The following FKBP14 variants were observed in gnomAD, a reference collection of about 807,000 sequenced individuals.
FKBP14 encodes the protein peptidyl-prolyl cis-trans isomerase FKBP14.
Under a neutral mutation model 21.6 loss-of-function variants are expected in FKBP14, and 20 were observed. That is an observed-to-expected ratio of 0.92 (90% CI 0.65 to 1.34). The LOEUF (loss-of-function observed/expected upper bound fraction) is 1.34. Among genes scored for constraint, FKBP14 ranks in the 40% most tolerant of loss-of-function variants. The pLI is 0.00. For synonymous variants in FKBP14, 79 were observed against 86.7 expected, an observed-to-expected ratio of 0.91 and a Z score of 0.49; for missense variants, 253 against 249.0, an observed-to-expected ratio of 1.02 and a Z score of -0.11.
chr7:30,006,604 T>C (rs552500988), downstream of FKBP14, among the ~76,000 whole-genome samples: 2 of 152,294 alleles, frequency 1.3e-5, 1 homozygote, highest in Admixed American at 1.3e-4. Flanking sequence ...ACCATTAACT[T>C]TTTGCTGTAA....
intron 3 of FKBP14, 37 bp downstream of exon 3, chr7:30,018,958 GA>G: frequency 6.3e-7 from 1 of 1,593,618 alleles, no homozygotes; most frequent in Admixed American, 1.8e-5. Flanking sequence ...AACAACCAAA[GA>G]AAAGTAGAAA....
rs560859199 is a variant in FKBP14, at chr7:30,014,242, T to A, written c.*493A>T. ...ATTAACAAGTCAGGTCCAACAACCATTTTCCTCTGGTCCTCAAGCAGAGAC... is the reference window on the plus strand; with the variant it reads ...ATTAACAAGTCAGGTCCAACAACCAATTTCCTCTGGTCCTCAAGCAGAGAC... On this transcript the variant is annotated 3_prime_UTR_variant, in exon 4 of 4. Coordinates refer to ENST00000222803, the MANE Select transcript of FKBP14 (RefSeq NM_017946.4). The A allele has an allele frequency of 6.6e-6, 1 of 152,356 alleles. No individual in the cohort carries two copies. Among genetic ancestry groups the A allele is most frequent in the East Asian group, 1.9e-4 (1 of 5,194 alleles). 9.4% of individuals were successfully genotyped at this position (152,356 alleles called of 1,614,324 possible).
chr7:30,019,918 G>A (rs1049433202), intron 2 of FKBP14, among the ~76,000 whole-genome samples: 6 of 152,036 alleles, frequency 3.9e-5, no homozygotes, highest in African/African-American at 1.4e-4. Flanking sequence ...TTTCATGGGA[G>A]GGGAGAAATT....
At position 30,011,552 on chromosome 7, in the gene FKBP14, TATATATATATACC is replaced by T. The variant is rs1789731256; in HGVS notation, c.*3170_*3182del. 7.0e-6 allele frequency: 1 copy of T among 143,336 alleles called. No homozygotes were observed. The highest frequency in any genetic ancestry group is 7.1e-5 in the Admixed American group (1 of 14,136). 8.9% of individuals were successfully genotyped at this position (143,336 alleles called of 1,614,324 possible). On this transcript the variant is annotated 3_prime_UTR_variant, in exon 4 of 4. Transcript: ENST00000222803. ...ACACACACCATATATATATATACTATATATATATATACCATATATATGGTATATATATATATAT... is the reference window on the plus strand; with the variant it reads ...ACACACACCATATATATATATACTATATATATATGGTATATATATATATAT...
At position 30,012,682 on chromosome 7, in the gene FKBP14, A is replaced by T. The variant is rs139320690; in HGVS notation, c.*2053T>A. The T allele has an allele frequency of 6.9e-4, 105 of 152,352 alleles. No individual in the cohort carries two copies. Among genetic ancestry groups the T allele is most frequent in the African/African-American group, 2.1e-3 (87 of 41,588 alleles). 9.4% of individuals were successfully genotyped at this position (152,352 alleles called of 1,614,324 possible). ...AATATGAATGAAAGAAGTAAAACAC[A>T]TCTGGAACCTCGCGTTGTTCAGGGT... On this transcript the variant is annotated 3_prime_UTR_variant, in exon 4 of 4. Transcript: ENST00000222803.
In FKBP14 at chr7:30,026,311, C is replaced by G. The variant is rs758622304; in HGVS notation, c.197+1G>C. 2 of 1,601,172 alleles carry G rather than the reference C, an allele frequency of 1.2e-6. No homozygotes were observed. The highest frequency in any genetic ancestry group is 1.7e-4 in the Middle Eastern group (1 of 5,984). ...TTTACCTGCGGGGCATAATTACTTA[C>G]GTGGAGTGAAATAAGGAGCCGTCCT... On this transcript the variant is annotated splice_donor_variant, in intron 1 of 3. Coordinates refer to ENST00000222803, the MANE Select transcript of FKBP14 (RefSeq NM_017946.4). LOFTEE classifies it high-confidence loss of function.
chr7:30,008,598 G>A (rs565575194), downstream of FKBP14, among the ~76,000 whole-genome samples: 9 of 150,768 alleles, frequency 6.0e-5, no homozygotes, highest in Non-Finnish European at 1.0e-4. Context: ...GCATGTGTCT[G>A]TAGTCCCAGT....
chr7:30,023,756 G>A (rs1040913062), intron 1 of FKBP14, among the ~76,000 whole-genome samples: 1 of 152,202 alleles, frequency 6.6e-6, no homozygotes, highest in Non-Finnish European at 1.5e-5. Flanking sequence ...GCAAGAATGA[G>A]TGTGCAGAGG....
At chr7:30,020,083 A>G (rs754440864) in intron 2 of FKBP14, 8 of 238,448 alleles carry the variant, frequency 3.4e-5, no homozygotes, top group South Asian at 2.0e-4. Context: ...CCTTATAACT[A>G]TATTTAACAT....
chr7:30,020,256 A>G (rs1320321602), intron 2 of FKBP14: 4 of 1,274,478 alleles, frequency 3.1e-6, no homozygotes, highest in Non-Finnish European at 4.1e-6. Flanking sequence ...TAGGTTGTTG[A>G]TAAAACTGGT....
At chr7:30,024,145 G>A (rs1790110119) in intron 1 of FKBP14, among the ~76,000 whole-genome samples, 1 of 152,172 alleles carries the variant, frequency 6.6e-6, no homozygotes, top group Admixed American at 6.5e-5. Context: ...AGAAGTCACT[G>A]TACTACGCTT....
intron 1 of FKBP14, among the ~76,000 whole-genome samples, chr7:30,024,303 G>A (rs1287142530): frequency 2.0e-5 from 3 of 152,160 alleles, no homozygotes; most frequent in Admixed American, 2.0e-4. Flanking sequence ...ACTCATCACT[G>A]ACTACAATTT....
intron 2 of FKBP14, chr7:30,020,248 G>C: frequency 7.9e-7 from 1 of 1,273,126 alleles, no homozygotes; most frequent in African/African-American, 1.6e-5. Flanking sequence ...ACATGCGCTA[G>C]GTTGTTGATA....
At chr7:30,024,106 T>C (rs1193038786) in intron 1 of FKBP14, among the ~76,000 whole-genome samples, 1 of 152,104 alleles carries the variant, frequency 6.6e-6, no homozygotes, top group Admixed American at 6.5e-5. Context: ...GAAAATATTC[T>C]ATTCAAGGAT....
chr7:30,016,742 A>G (rs1418060247), intron 3 of FKBP14, among the ~76,000 whole-genome samples: 1 of 152,054 alleles, frequency 6.6e-6, no homozygotes, highest in Non-Finnish European at 1.5e-5. Flanking sequence ...ATTGTTTTCA[A>G]TTTCCCACAA....
chr7:30,021,098 A>G (rs1170935140), intron 2 of FKBP14, among the ~76,000 whole-genome samples: 2 of 152,182 alleles, frequency 1.3e-5, no homozygotes, highest in Non-Finnish European at 2.9e-5. Context: ...GGTTCTGATG[A>G]CTACTTAAAC....
chr7:30,015,193 T>C (rs1392078401), intron 3 of FKBP14, among the ~76,000 whole-genome samples: 1 of 151,906 alleles, frequency 6.6e-6, no homozygotes, highest in African/African-American at 2.4e-5. Flanking sequence ...GTGGGAAGAT[T>C]GCTTGAGGTC....
Position 30,011,157 on chromosome 7 carries a change from C to G in FKBP14, c.*3578G>C, listed in dbSNP as rs977266567. On this transcript the variant is annotated 3_prime_UTR_variant, in exon 4 of 4. Transcript: ENST00000222803. ...CTGGATTCAAGCAATTCTCCTGCCT[C>G]AGCCTCTCAATTAGCTGGGACTACA... The G allele has an allele frequency of 6.6e-6, 1 of 151,998 alleles. No homozygotes were observed. Among genetic ancestry groups the G allele is most frequent in the Non-Finnish European group, 1.5e-5 (1 of 68,048 alleles). The allele number at this position is 151,998 out of a possible 1,614,324, so 9.4% of individuals were successfully genotyped here.
chr7:30,016,411 T>G (rs1488274023), intron 3 of FKBP14, among the ~76,000 whole-genome samples: 1 of 152,062 alleles, frequency 6.6e-6, no homozygotes, highest in Non-Finnish European at 1.5e-5. Context: ...CTTTTTTTTT[T>G]GAAATAGAGT....
Sources: allele counts gnomAD v4.1 joint callset (sites outside exome capture counted in the v4.1 genomes callset), GRCh38; gene constraint gnomAD v4.1.1; transcripts MANE v1.5; gene names NCBI Gene and HGNC (gene_info 2026-07-23, HGNC 2026-07-21).